CADM2: variants seen among roughly 807,000 people sequenced by gnomAD.
CADM2 encodes the protein immunoglobulin superfamily member 4D.
Under a neutral mutation model 49.8 loss-of-function variants are expected in CADM2, and 12 were observed. That is an observed-to-expected ratio of 0.24 (90% CI 0.15 to 0.39). The LOEUF (loss-of-function observed/expected upper bound fraction) is 0.39, where lower values mean the gene tolerates loss of function less well. CADM2 is among the 10% of genes least tolerant of loss of function. The pLI is 1.00. For synonymous variants in CADM2, 214 were observed against 175.4 expected (o/e 1.22, Z -1.74); for missense variants, 378 against 492.3 (o/e 0.77, Z 2.20).
chr3:85,790,835 G>T (rs1014203276), intron 2 of CADM2, among the ~76,000 whole-genome samples: 4 of 152,112 alleles, frequency 2.6e-5, no homozygotes, highest in Admixed American at 6.5e-5. Flanking sequence ...ATGGAATACA[G>T]GTCTCCAAAG....
intron 8 of CADM2, chr3:86,014,150 G>A (rs1467449682): frequency 2.3e-6 from 3 of 1,283,308 alleles, no homozygotes; most frequent in Non-Finnish European, 1.1e-6. Context: ...AAATTTTGGT[G>A]GAACTCCTGC....
chr3:85,928,384 C>T (rs1440450929), intron 6 of CADM2, among the ~76,000 whole-genome samples: 3 of 152,082 alleles, frequency 2.0e-5, no homozygotes, highest in Non-Finnish European at 1.5e-5. Flanking sequence ...GTCTTGATCT[C>T]CTGACCTCAT....
chr3:85,206,400 C>T (rs1272297532), intron 1 of CADM2, among the ~76,000 whole-genome samples: 2 of 151,396 alleles, frequency 1.3e-5, no homozygotes, highest in Non-Finnish European at 2.9e-5. Context: ...CTCCGCCTCC[C>T]AGGTTCACAC....
At chr3:85,288,788 C>T (rs866473895) in intron 1 of CADM2, among the ~76,000 whole-genome samples, 2 of 128,530 alleles carry the variant, frequency 1.6e-5, no homozygotes, top group South Asian at 3.1e-4. Flanking sequence ...CAATATGCCC[C>T]CCCCCCCTCT....
At chr3:85,209,797 A>G (rs189266975) in intron 1 of CADM2, among the ~76,000 whole-genome samples, 1 of 152,322 alleles carries the variant, frequency 6.6e-6, no homozygotes. Flanking sequence ...TCTGTTTTCC[A>G]GAACCTTTGA....
intron 1 of CADM2, among the ~76,000 whole-genome samples, chr3:85,652,772 CTTTT>C (rs34756757): frequency 1.8e-4 from 9 of 50,782 alleles, no homozygotes; most frequent in Admixed American, 1.6e-3. Flanking sequence ...TTTTTCTTTT[CTTTT>C]TTTTTTTTTT....
At chr3:85,525,544 A>G (rs62252464) in intron 1 of CADM2, among the ~76,000 whole-genome samples, 78,016 of 151,730 alleles carry the variant, frequency 0.51, 22,999 homozygotes, top group East Asian at 0.85. Flanking sequence ...TAGTTGAAAT[A>G]TGTTCCTTGG....
intron 1 of CADM2, among the ~76,000 whole-genome samples, chr3:85,351,918 C>T (rs2031390430): frequency 6.6e-6 from 1 of 151,968 alleles, no homozygotes; most frequent in African/African-American, 2.4e-5. Flanking sequence ...TGCAGACATC[C>T]ATTAGAGAAA....
intron 1 of CADM2, among the ~76,000 whole-genome samples, chr3:85,031,711 G>T (rs1252641119): frequency 1.3e-5 from 2 of 151,540 alleles, no homozygotes; most frequent in Non-Finnish European, 2.9e-5. Flanking sequence ...TAGTAGATAC[G>T]GGGTTTCACA....
chr3:86,057,939 C>T (rs1468038473), intron 8 of CADM2, among the ~76,000 whole-genome samples: 1 of 152,164 alleles, frequency 6.6e-6, no homozygotes, highest in African/African-American at 2.4e-5. Context: ...TAAAAACTGA[C>T]TTCCATAGTT....
intron 1 of CADM2, among the ~76,000 whole-genome samples, chr3:85,151,158 T>C (rs2039910942): frequency 6.6e-6 from 1 of 152,042 alleles, no homozygotes; most frequent in African/African-American, 2.4e-5. Flanking sequence ...CCATGATCAA[T>C]GTTGCCTTTG....
intron 2 of CADM2, among the ~76,000 whole-genome samples, chr3:85,752,472 G>GCGCA (rs1553680691): frequency 8.8e-5 from 13 of 147,902 alleles, no homozygotes; most frequent in African/African-American, 3.0e-4. Context: ...ATGTGTGCGT[G>GCGCA]CACACACACA....
Position 85,920,284 on chromosome 3 carries a change from G to T in CADM2, c.700+7741G>T, listed in dbSNP as rs1436635461. On this transcript the variant is annotated intron_variant, in intron 6 of 9. Coordinates refer to ENST00000383699, the MANE Select transcript of CADM2 (RefSeq NM_001167675.2). ...CTACCACAAATTATATATAGCATAA[G>T]GGCACAGAATATAAAAGGAAATAGG... Among the ~76,000 whole-genome samples the T allele has an allele frequency of 1.3e-5, 2 of 151,828 alleles. 1 individual carries two copies. The highest frequency in any genetic ancestry group is 4.8e-5 in the African/African-American group (2 of 41,512).
At chr3:85,614,407 C>A (rs2063749048) in intron 1 of CADM2, among the ~76,000 whole-genome samples, 1 of 151,350 alleles carries the variant, frequency 6.6e-6, no homozygotes, top group Non-Finnish European at 1.5e-5. Context: ...AATAAGTAAA[C>A]TTCATTTGCA....
chr3:85,639,578 A>G (rs1051150955), intron 1 of CADM2, among the ~76,000 whole-genome samples: 1 of 151,824 alleles, frequency 6.6e-6, no homozygotes, highest in Non-Finnish European at 1.5e-5. Flanking sequence ...TTATCTTTGT[A>G]TTTTCTAGAA....
chr3:85,338,069 CA>C (rs1014708606), intron 1 of CADM2, among the ~76,000 whole-genome samples: 1 of 151,664 alleles, frequency 6.6e-6, no homozygotes, highest in Non-Finnish European at 1.5e-5. Flanking sequence ...GATCTATTAA[CA>C]GATGCCTGTT....
intron 1 of CADM2, among the ~76,000 whole-genome samples, chr3:85,107,676 CTTCTTTCTCTTTCT>C (rs1355469239): frequency 6.1e-5 from 7 of 114,258 alleles, no homozygotes; most frequent in African/African-American, 7.1e-5. Flanking sequence ...TCCTTCCTTC[CTTCTTTCTCTTTCT>C]TTCTTTCTCT....
At chr3:85,443,563 G>A (rs2037307702) in intron 1 of CADM2, among the ~76,000 whole-genome samples, 1 of 152,014 alleles carries the variant, frequency 6.6e-6, no homozygotes, top group Non-Finnish European at 1.5e-5. Context: ...GATCACCAGT[G>A]CCTTCCACAT....
chr3:85,598,251 G>A (rs1438974205), intron 1 of CADM2, among the ~76,000 whole-genome samples: 3 of 151,970 alleles, frequency 2.0e-5, no homozygotes, highest in Admixed American at 1.3e-4. Flanking sequence ...CATTCAGGCT[G>A]GGCTTTAATC....
Sources: allele counts gnomAD v4.1 joint callset (sites outside exome capture counted in the v4.1 genomes callset), GRCh38; gene constraint gnomAD v4.1.1; transcripts MANE v1.5; gene names NCBI Gene and HGNC (gene_info 2026-07-23, HGNC 2026-07-21).